PKD1L1: variants seen among roughly 807,000 people sequenced by gnomAD.
PKD1L1 encodes polycystin-1-like protein 1.
Under a neutral mutation model 323.4 loss-of-function variants are expected in PKD1L1, and 236 were observed. The ratio of observed to expected loss-of-function variants is 0.73; its 90% CI spans 0.66 to 0.81. The LOEUF (loss-of-function observed/expected upper bound fraction) is 0.81, where lower values mean the gene tolerates loss of function less well. Ranked by LOEUF, PKD1L1 falls within the 40% of genes least tolerant of loss-of-function variation. PKD1L1 has a pLI of 0.00. For synonymous variants in PKD1L1, 1,344 were observed against 1,335.0 expected, an observed-to-expected ratio of 1.01 and a Z score of -0.15; for missense variants, 3,320 against 3,508.0, an observed-to-expected ratio of 0.95 and a Z score of 1.35.
intron 56 of PKD1L1, among the ~76,000 whole-genome samples, chr7:47,785,464 G>A (rs1229411510): frequency 6.6e-6 from 1 of 152,128 alleles, no homozygotes; most frequent in Non-Finnish European, 1.5e-5. Context: ...GCTATAGACA[G>A]CACTTACAGC....
In PKD1L1 at chr7:47,815,361, G is replaced by C. The variant is rs144292496; in HGVS notation, c.7062C>G (p.Thr2354=). Residue 2354 remains threonine (T), a synonymous_variant, in exon 47 of 57, where the codon ACC becomes ACG. Coordinates refer to ENST00000289672, the MANE Select transcript of PKD1L1 (RefSeq NM_138295.5). ...TLLDGLYPGG[T]PSARVPGAQP... is the part of the protein sequence containing the mutation. ...GAGCCCCCGGCACACGGGCTGACGG[G>C]GTGCCTCCCGGGTACAGGCCATCCA... is the stretch of plus-strand genomic sequence containing the variant. 12 of 1,614,126 alleles carry C rather than the reference G, an allele frequency of 7.4e-6. No homozygotes were observed. Among genetic ancestry groups the C allele is most frequent in the Non-Finnish European group, 1.0e-5 (12 of 1,180,002 alleles).
chr7:47,941,884 A>C (rs1001697145), intron 2 of PKD1L1, among the ~76,000 whole-genome samples: 1 of 152,256 alleles, frequency 6.6e-6, no homozygotes, highest in African/African-American at 2.4e-5. Context: ...AAATTGAATA[A>C]AGTATGTCAC....
At chr7:47,959,239 G>A in the PKD1L1 span, among the ~76,000 whole-genome samples, 949 of 152,042 alleles carry the variant, frequency 6.2e-3, 7 homozygotes, top group African/African-American at 0.021. Flanking sequence ...CTGCCCGGCC[G>A]CCACCCCGTC....
intron 7 of PKD1L1, among the ~76,000 whole-genome samples, chr7:47,920,672 T>C (rs1030847055): frequency 9.9e-5 from 15 of 152,194 alleles, no homozygotes; most frequent in African/African-American, 2.9e-4. Flanking sequence ...CAAAACAGCA[T>C]GGGACTGGTA....
In PKD1L1 at chr7:47,800,882, G is replaced by A; in HGVS notation, c.7963-3C>T. The A allele has an allele frequency of 6.2e-7, 1 of 1,612,802 alleles. No homozygotes were observed. ...GCCAGCATCAGTGCCCCCACCAGCTGCAGAAAGAAAATCCAGAGAGCACTG... is the reference window on the plus strand; with the variant it reads ...GCCAGCATCAGTGCCCCCACCAGCTACAGAAAGAAAATCCAGAGAGCACTG... On this transcript the variant is annotated splice_region_variant and splice_polypyrimidine_tract_variant and intron_variant, in intron 53 of 56. Transcript: ENST00000289672.
intron 18 of PKD1L1, among the ~76,000 whole-genome samples, chr7:47,885,337 C>A (rs1001873215): frequency 7.2e-5 from 11 of 152,164 alleles, no homozygotes; most frequent in African/African-American, 2.4e-4. Flanking sequence ...TGGTTTCCAT[C>A]CCCCTGAAAC....
chr7:47,792,287 G>T (rs1057352409), intron 56 of PKD1L1, among the ~76,000 whole-genome samples: 26 of 151,678 alleles, frequency 1.7e-4, no homozygotes, highest in African/African-American at 4.4e-4. Flanking sequence ...GAGATTACTG[G>T]TCACATTCTG....
At chr7:47,905,772 C>T (rs973700975) in intron 10 of PKD1L1, 71 bp downstream of exon 10, 66 of 1,583,442 alleles carry the variant, frequency 4.2e-5, no homozygotes, top group Non-Finnish European at 5.4e-5. Flanking sequence ...CTGCTGCCTA[C>T]GGCTTTCCTA....
At chr7:47,864,343 C>T (rs1019814643) in intron 26 of PKD1L1, among the ~76,000 whole-genome samples, 1 of 152,092 alleles carries the variant, frequency 6.6e-6, no homozygotes, top group Non-Finnish European at 1.5e-5. Flanking sequence ...GCGTGCTCTT[C>T]TCATCTCTCA....
intron 3 of PKD1L1, among the ~76,000 whole-genome samples, chr7:47,938,323 G>A (rs1210008621): frequency 6.6e-6 from 1 of 152,166 alleles, no homozygotes; most frequent in Admixed American, 6.5e-5. Flanking sequence ...GCTCGTGCCT[G>A]AGTGCATACG....
At chr7:47,875,116 G>T (rs1786376068) in intron 23 of PKD1L1, among the ~76,000 whole-genome samples, 1 of 152,188 alleles carries the variant, frequency 6.6e-6, no homozygotes, top group Non-Finnish European at 1.5e-5. Context: ...TACGCAGCTT[G>T]ACTTCAAGAA....
chr7:47,880,892 T>TA lies in PKD1L1; in HGVS notation c.3443-88_3443-87insT, dbSNP rs937366130. 15 of 1,037,148 alleles carry TA rather than the reference T, an allele frequency of 1.4e-5. No homozygotes were observed. In the Admixed American group the frequency reaches 3.5e-4, roughly 24 times the overall value. 64.2% of individuals were successfully genotyped at this position (1,037,148 alleles called of 1,614,324 possible). A position where few individuals can be genotyped will look rare whatever the true frequency, so the allele number is the denominator to read the frequency against. Reference sequence around the variant, plus strand: ...CAGAGTCCTTGGAAATGAGTTCCACTCTTCCCCCAGGGGTGAAATTAACAT... The same window carrying TA: ...CAGAGTCCTTGGAAATGAGTTCCACTACTTCCCCCAGGGGTGAAATTAACAT... On this transcript the variant is annotated intron_variant, in intron 20 of 56. Transcript: ENST00000289672.
At chr7:47,836,245 T>C (rs1785454723) in intron 37 of PKD1L1, among the ~76,000 whole-genome samples, 1 of 152,236 alleles carries the variant, frequency 6.6e-6, no homozygotes, top group Non-Finnish European at 1.5e-5. Flanking sequence ...GGCTGTCCCA[T>C]GGATGGGTCG....
chr7:47,861,990 T>C (rs1786040446), intron 26 of PKD1L1, among the ~76,000 whole-genome samples: 1 of 147,904 alleles, frequency 6.8e-6, no homozygotes, highest in African/African-American at 2.5e-5. Context: ...AGGTCAGGAG[T>C]TCGAGACCAG....
At chr7:47,780,102 G>T (rs545662044) in intron 56 of PKD1L1, among the ~76,000 whole-genome samples, 1 of 151,898 alleles carries the variant, frequency 6.6e-6, no homozygotes, top group East Asian at 1.9e-4. Flanking sequence ...ACACTCCTAT[G>T]TACCTTTTAC....
intron 14 of PKD1L1, among the ~76,000 whole-genome samples, chr7:47,895,334 T>C (rs1268200511): frequency 6.6e-6 from 1 of 152,234 alleles, no homozygotes; most frequent in African/African-American, 2.4e-5. Flanking sequence ...TCCCATTACC[T>C]GGCCTGTCCC....
chr7:47,877,361 C>T (rs749800677), intron 22 of PKD1L1, 128 bp downstream of exon 22: 165 of 1,343,876 alleles, frequency 1.2e-4, no homozygotes, highest in Non-Finnish European at 1.6e-4. Context: ...CAACATTCAA[C>T]GGCAGGCTGA....
Position 47,937,085 on chromosome 7 carries a change from G to C in PKD1L1, c.286-127C>G, listed in dbSNP as rs60107343. On this transcript the variant is annotated intron_variant, in intron 3 of 56. Transcript: ENST00000289672. ...CTGCTGTGCGCCCAGCACTGTGCTG[G>C]GCACCAGAGAAGCAACAGCGAGGAA... The C allele has an allele frequency of 0.51, 348,284 of 686,080 alleles. 89,219 individuals carry two copies. The highest frequency in any genetic ancestry group is 0.54 in the Admixed American group (19,093 of 35,288). 42.5% of individuals were successfully genotyped at this position (686,080 alleles called of 1,614,324 possible).
At chr7:47,915,197 A>T (rs756405082) in intron 8 of PKD1L1, among the ~76,000 whole-genome samples, 6 of 152,224 alleles carry the variant, frequency 3.9e-5, no homozygotes, top group Non-Finnish European at 5.9e-5. Context: ...TGGGAATGAG[A>T]CAGCAGTCAC....
Sources: allele counts gnomAD v4.1 joint callset (sites outside exome capture counted in the v4.1 genomes callset), GRCh38; gene constraint gnomAD v4.1.1; transcripts MANE v1.5; gene names NCBI Gene and HGNC (gene_info 2026-07-23, HGNC 2026-07-21).